FRYL: variants seen among roughly 807,000 people sequenced by gnomAD.
FRYL encodes the protein FRY like transcription coactivator.
In FRYL, 150 loss-of-function variants were observed where a neutral mutation model predicts 351.2. That is an observed-to-expected ratio of 0.43 (90% CI 0.37 to 0.49). FRYL has a LOEUF of 0.49. Among genes scored for constraint, FRYL ranks in the 20% least tolerant of loss-of-function variants. The pLI, the probability that FRYL is intolerant of heterozygous loss-of-function variation, is 0.00. For missense variants in FRYL, 3,036 were observed against 3,619.3 expected (o/e 0.84, Z 4.13); for synonymous variants, 1,153 against 1,257.1 (o/e 0.92, Z 1.75).
intron 7 of FRYL, among the ~76,000 whole-genome samples, chr4:48,617,222 A>G (rs1324982828): frequency 1.3e-5 from 2 of 152,164 alleles, no homozygotes; most frequent in Non-Finnish European, 2.9e-5. Context: ...ATCCAAAGAC[A>G]AAGATTAGCT....
chr4:48,756,236 A>G (rs982391193), intron 1 of FRYL, among the ~76,000 whole-genome samples: 9 of 151,854 alleles, frequency 5.9e-5, no homozygotes, highest in African/African-American at 2.2e-4. Flanking sequence ...TTGTCTCAAA[A>G]AAAAAAAAAA....
chr4:48,675,392 G>A (rs1482695376), intron 3 of FRYL, among the ~76,000 whole-genome samples: 1 of 152,228 alleles, frequency 6.6e-6, no homozygotes, highest in African/African-American at 2.4e-5. Flanking sequence ...CGGGCCAGCT[G>A]GAGTTCCGGG....
chr4:48,560,256 A>G (rs1735169875), intron 33 of FRYL, among the ~76,000 whole-genome samples: 1 of 152,242 alleles, frequency 6.6e-6, no homozygotes, highest in Non-Finnish European at 1.5e-5. Context: ...TCTGTGCAGT[A>G]AAATTCTGAA....
In FRYL at chr4:48,675,351, G is replaced by A. The variant is rs542102645; in HGVS notation, c.-81+9322C>T. ...CAGGGAGGTGTGGAGGGAGAGGCGC[G>A]AGCGGAAACCGGGGCTGCCTGCGGC... On this transcript the variant is annotated intron_variant, in intron 3 of 63. Transcript: ENST00000358350. 1.1e-4 allele frequency among the ~76,000 whole-genome samples: 16 copies of A among 152,332 alleles called. No homozygotes were observed. The South Asian group carries it at 2.7e-3, about 26-fold the overall frequency.
intron 1 of FRYL, among the ~76,000 whole-genome samples, chr4:48,750,354 G>A (rs1206505903): frequency 6.7e-6 from 1 of 149,684 alleles, no homozygotes; most frequent in African/African-American, 2.5e-5. Context: ...CCACCTACTT[G>A]GGAGGCTGAG....
At chr4:48,704,762 A>G (rs1041079627) in intron 2 of FRYL, among the ~76,000 whole-genome samples, 1 of 152,130 alleles carries the variant, frequency 6.6e-6, no homozygotes, top group Non-Finnish European at 1.5e-5. Flanking sequence ...CAGCCTGGCC[A>G]ACAAGGCAAA....
intron 7 of FRYL, among the ~76,000 whole-genome samples, chr4:48,612,268 C>A (rs1748356407): frequency 6.6e-6 from 1 of 151,888 alleles, no homozygotes. Flanking sequence ...ATTCTTGGAT[C>A]TTTGCATATT....
intron 53 of FRYL, among the ~76,000 whole-genome samples, chr4:48,526,262 G>A (rs73814782): frequency 0.037 from 5,569 of 152,220 alleles, 129 homozygotes; most frequent in African/African-American, 0.05. Context: ...TGGTCTTCTT[G>A]CATACAGATA....
chr4:48,603,789 A>C (rs1399616980), intron 11 of FRYL, among the ~76,000 whole-genome samples: 7 of 152,286 alleles, frequency 4.6e-5, no homozygotes, highest in Non-Finnish European at 1.5e-5. Context: ...GACCATGTGC[A>C]TGGGGACCCA....
At chr4:48,661,900 G>A (rs113694442) in intron 3 of FRYL, among the ~76,000 whole-genome samples, 66 of 152,200 alleles carry the variant, frequency 4.3e-4, no homozygotes, top group Non-Finnish European at 7.8e-4. Context: ...AAATAAAATG[G>A]AGAAAGAAAA....
At chr4:48,611,369 A>G (rs1233207827) in intron 7 of FRYL, among the ~76,000 whole-genome samples, 10 of 151,946 alleles carry the variant, frequency 6.6e-5, no homozygotes, top group Admixed American at 5.9e-4. Flanking sequence ...CCAGATGTAT[A>G]TATTTATGGG....
intron 37 of FRYL, 36 bp from the exon 38 acceptor site, chr4:48,550,740 C>T (rs368200268): frequency 4.8e-4 from 628 of 1,319,462 alleles, no homozygotes; most frequent in Non-Finnish European, 5.9e-4. Flanking sequence ...TCACAGTTCA[C>T]GGTGCAATGG....
At chr4:48,715,061 T>A (rs1255646575) in intron 1 of FRYL, among the ~76,000 whole-genome samples, 2 of 152,098 alleles carry the variant, frequency 1.3e-5, no homozygotes, top group Admixed American at 6.6e-5. Flanking sequence ...GGCCTTTGAC[T>A]AAATTCAATA....
intron 60 of FRYL, among the ~76,000 whole-genome samples, chr4:48,504,693 T>C (rs1720520879): frequency 6.6e-6 from 1 of 152,100 alleles, no homozygotes; most frequent in Non-Finnish European, 1.5e-5. Context: ...AGTTTCCTCA[T>C]CTTCAAAACC....
chr4:48,627,127 T>C (rs1362210138), intron 4 of FRYL, among the ~76,000 whole-genome samples: 4 of 152,196 alleles, frequency 2.6e-5, no homozygotes, highest in Non-Finnish European at 5.9e-5. Flanking sequence ...ACAGTCAGTA[T>C]GTCTCATAAT....
intron 1 of FRYL, among the ~76,000 whole-genome samples, chr4:48,771,500 A>G (rs1455929030): frequency 1.3e-5 from 2 of 152,222 alleles, no homozygotes; most frequent in Non-Finnish European, 2.9e-5. Flanking sequence ...GTAGACTAGC[A>G]AGTCATTCTA....
At chr4:48,702,453 CTCAAAAAAAAAAAAAAAAAA>C (rs1406485382) in intron 2 of FRYL, among the ~76,000 whole-genome samples, 1 of 48,530 alleles carries the variant, frequency 2.1e-5, no homozygotes, top group African/African-American at 8.5e-5. Flanking sequence ...GAGACTCTGT[CTCAAAAAAAAAAAAAAAAAA>C]AAAAAAAAAA....
intron 9 of FRYL, among the ~76,000 whole-genome samples, chr4:48,608,012 G>A (rs1747227900): frequency 6.6e-6 from 1 of 152,024 alleles, no homozygotes; most frequent in African/African-American, 2.4e-5. Context: ...ATGTTTTTGT[G>A]TCAATTTAAT....
intron 21 of FRYL, 117 bp downstream of exon 21, chr4:48,581,303 G>A (rs1234494601): frequency 1.2e-6 from 1 of 812,474 alleles, no homozygotes; most frequent in Non-Finnish European, 1.9e-6. Context: ...TCCCAATTGA[G>A]AACGGTAGGT....
Sources: gnomAD v4.1 joint callset for allele counts (sites outside exome capture counted in the v4.1 genomes callset) on GRCh38, gnomAD v4.1.1 for gene constraint, MANE v1.5 for transcripts, NCBI Gene and HGNC (gene_info 2026-07-23, HGNC 2026-07-21) for gene names.